TEC: variants seen among roughly 807,000 people sequenced by gnomAD.
The protein encoded by TEC is tec protein tyrosine kinase.
TEC carries 72 observed loss-of-function variants against 93.0 expected under a neutral mutation model. The ratio of observed to expected loss-of-function variants is 0.77; its 90% CI spans 0.64 to 0.94. The LOEUF (loss-of-function observed/expected upper bound fraction) is 0.94. Ranked by LOEUF, TEC falls within the 40% of genes least tolerant of loss-of-function variation. TEC has a pLI of 0.00. For synonymous variants in TEC, 249 were observed against 247.7 expected, an observed-to-expected ratio of 1.01 and a Z score of -0.05; for missense variants, 630 against 757.9, an observed-to-expected ratio of 0.83 and a Z score of 1.98.
chr4:48,150,897 A>G lies in TEC; in HGVS notation c.838T>C (p.Leu280=). Residue 280 remains leucine (L), a synonymous_variant, in exon 10 of 18, where the codon TTG becomes CTG. Transcript: ENST00000381501. ...TTGGTATAAAGGGAGACTGTGTACA[A>G]GCCTGGTTGACTGGAATCCCTTACC... ...FMVRDSSQPG[L]YTVSLYTKFG... 4 of 1,589,348 alleles carry G rather than the reference A, an allele frequency of 2.5e-6. No individual in the cohort carries two copies. Among genetic ancestry groups the G allele is most frequent in the Non-Finnish European group, 3.4e-6 (4 of 1,169,240 alleles).
intron 2 of TEC, among the ~76,000 whole-genome samples, chr4:48,193,257 A>G (rs1464765828): frequency 2.0e-5 from 3 of 151,844 alleles, no homozygotes; most frequent in Non-Finnish European, 4.4e-5. Context: ...CCTGAAGAGC[A>G]TAACCAGCAC....
At chr4:48,138,878 C>T (rs753503436) in intron 16 of TEC, 26 bp downstream of exon 16, 7 of 1,613,726 alleles carry the variant, frequency 4.3e-6, no homozygotes, top group African/African-American at 1.3e-5. Context: ...TCAGGGCGGA[C>T]GGACATGAGG....
intron 9 of TEC, among the ~76,000 whole-genome samples, chr4:48,154,243 G>T (rs1193605199): frequency 6.6e-6 from 1 of 152,136 alleles, no homozygotes; most frequent in Non-Finnish European, 1.5e-5. Flanking sequence ...TTTTTAAATT[G>T]TTGGTAAAAT....
intron 1 of TEC, among the ~76,000 whole-genome samples, chr4:48,244,665 T>C (rs1560423504): frequency 6.6e-6 from 1 of 152,266 alleles, no homozygotes; most frequent in Non-Finnish European, 1.5e-5. Flanking sequence ...ATTTAAACTC[T>C]ACTGTATATC....
chr4:48,225,700 C>CT (rs906303404), intron 2 of TEC, among the ~76,000 whole-genome samples: 17 of 140,168 alleles, frequency 1.2e-4, no homozygotes, highest in African/African-American at 2.7e-4. Context: ...TACAAAGTTT[C>CT]TTTTTTTTTC....
intron 2 of TEC, among the ~76,000 whole-genome samples, chr4:48,200,496 T>C (rs534514837): frequency 1.3e-5 from 2 of 151,974 alleles, no homozygotes; most frequent in East Asian, 3.9e-4. Flanking sequence ...GGAGCAAGAG[T>C]GGAAAGAGGA....
intron 2 of TEC, among the ~76,000 whole-genome samples, chr4:48,183,383 A>G (rs1721674068): frequency 1.3e-5 from 2 of 152,200 alleles, no homozygotes; most frequent in Admixed American, 1.3e-4. Flanking sequence ...GGCTGGTAAA[A>G]CGTTATTTCC....
At chr4:48,145,009 T>G (rs1719843617) in intron 14 of TEC, 70 bp downstream of exon 14, 12 of 1,416,556 alleles carry the variant, frequency 8.5e-6, no homozygotes, top group Non-Finnish European at 1.2e-5. Flanking sequence ...AATACATCAT[T>G]GCACATTTGC....
At chr4:48,190,348 A>G (rs1013625227) in intron 2 of TEC, among the ~76,000 whole-genome samples, 6 of 152,198 alleles carry the variant, frequency 3.9e-5, no homozygotes, top group African/African-American at 1.2e-4. Flanking sequence ...ATCATTACAC[A>G]TTAGCAAAAC....
At chr4:48,177,714 TAATCCCTAC>T (rs1473411621) in intron 2 of TEC, among the ~76,000 whole-genome samples, 1 of 152,228 alleles carries the variant, frequency 6.6e-6, no homozygotes, top group Non-Finnish European at 1.5e-5. Flanking sequence ...CTCAGCATTG[TAATCCCTAC>T]AATCCCCATG....
rs370571771 is a variant in TEC, at chr4:48,168,615, C to G, written c.466G>C (p.Ala156Pro). 1 of 1,602,572 alleles carries G rather than the reference C, an allele frequency of 6.2e-7. No individual in the cohort carries two copies. Among genetic ancestry groups the G allele is most frequent in the African/African-American group, 1.4e-5 (1 of 74,024 alleles). ...YNLFESSIRK[A>P]LPPAPETKKR... ...TTTGTTTCTGGTGCTGGAGGTAGTG[C>G]TTTTCTTATACCTGAAAATGCCAAC... Residue 156 changes from alanine to proline, a missense_variant, in exon 6 of 18, where the codon GCA becomes CCA. Physicochemically the swap from Ala to Pro is conservative, Grantham distance 27. This residue lies in a region of TEC where 335 missense variants were observed against 351.5 expected (regional missense o/e 0.95). Coordinates refer to ENST00000381501, the MANE Select transcript of TEC (RefSeq NM_003215.3).
At chr4:48,267,313 G>A (rs1181225484) in intron 1 of TEC, among the ~76,000 whole-genome samples, 1 of 152,172 alleles carries the variant, frequency 6.6e-6, no homozygotes, top group Admixed American at 6.5e-5. Flanking sequence ...TCTGAGCTCT[G>A]AGCAGTCAAA....
At chr4:48,229,583 C>G (rs1281160616) in intron 1 of TEC, among the ~76,000 whole-genome samples, 1 of 151,730 alleles carries the variant, frequency 6.6e-6, no homozygotes, top group Non-Finnish European at 1.5e-5. Context: ...CAAGAGCAGC[C>G]TGGCCAACAT....
At chr4:48,236,653 A>C (rs563901478) in intron 1 of TEC, among the ~76,000 whole-genome samples, 1 of 152,346 alleles carries the variant, frequency 6.6e-6, no homozygotes, top group South Asian at 2.1e-4. Flanking sequence ...GTTGAACACA[A>C]GAGTACTATT....
At chr4:48,183,974 C>T (rs907745456) in intron 2 of TEC, among the ~76,000 whole-genome samples, 6 of 152,090 alleles carry the variant, frequency 3.9e-5, no homozygotes, top group Admixed American at 2.6e-4. Flanking sequence ...TAAAATCCCT[C>T]AAAAACAGTA....
At chr4:48,179,377 T>TATATATATATATATATA (rs1491160142) in intron 2 of TEC, among the ~76,000 whole-genome samples, 3 of 17,956 alleles carry the variant, frequency 1.7e-4, no homozygotes, top group African/African-American at 5.7e-4. Context: ...TATATATATA[T>TATATATATATATATATA]TTTTTTTTTT....
chr4:48,257,806 C>T (rs1312312492), intron 1 of TEC, among the ~76,000 whole-genome samples: 1 of 144,786 alleles, frequency 6.9e-6, no homozygotes, highest in African/African-American at 2.5e-5. Context: ...TGCCCATTTA[C>T]CTTTCTAGAC....
In TEC at chr4:48,136,297, C is replaced by T. The variant is rs1719415876; in HGVS notation, c.*1119G>A. 6.6e-6 allele frequency: 1 copy of T among 152,256 alleles called. No homozygotes were observed. The highest frequency in any genetic ancestry group is 6.5e-5 in the Admixed American group (1 of 15,282). 9.4% of individuals were successfully genotyped at this position (152,256 alleles called of 1,614,324 possible). On this transcript the variant is annotated 3_prime_UTR_variant, in exon 18 of 18. Transcript: ENST00000381501. ...ATCCCACCATCCAGGAACCCAAGTC[C>T]AACCAGGCCTCCTGAAAAACGTCCG... is the stretch of plus-strand genomic sequence containing the variant.
intron 2 of TEC, among the ~76,000 whole-genome samples, chr4:48,227,067 T>C (rs976969963): frequency 3.9e-5 from 6 of 152,178 alleles, no homozygotes; most frequent in African/African-American, 1.4e-4. Flanking sequence ...TACACACACA[T>C]ACACACACAC....
Sources: allele counts gnomAD v4.1 joint callset (sites outside exome capture counted in the v4.1 genomes callset), GRCh38; gene constraint gnomAD v4.1.1; regional missense constraint gnomAD v4.1.1; transcripts MANE v1.5; gene names NCBI Gene and HGNC (gene_info 2026-07-23, HGNC 2026-07-21).